Variants in MYO19 observed in about 807,000 individuals in gnomAD.
The protein encoded by MYO19 is unconventional myosin-XIX.
In MYO19, 132 loss-of-function variants were observed where a neutral mutation model predicts 129.2. That is an observed-to-expected ratio of 1.02 (90% CI 0.89 to 1.18). The LOEUF is 1.18. Ranked by LOEUF, MYO19 falls within the 50% of genes most tolerant of loss-of-function variation. The pLI is 0.00. For synonymous variants in MYO19, 531 were observed against 477.2 expected, an observed-to-expected ratio of 1.11 and a Z score of -1.47; for missense variants, 1,210 against 1,216.7, an observed-to-expected ratio of 0.99 and a Z score of 0.08.
chr17:36,518,710 C>A, intron 6 of MYO19, among the ~76,000 whole-genome samples: 1 of 149,630 alleles, frequency 6.7e-6, no homozygotes, highest in South Asian at 2.1e-4. Context: ...TAATCAAAGG[C>A]AATAAAAAAA....
chr17:36,527,422 G>A (rs1364087659), intron 5 of MYO19, 129 bp downstream of exon 5: 3 of 1,044,556 alleles, frequency 2.9e-6, no homozygotes, highest in Non-Finnish European at 4.0e-6. Flanking sequence ...TATTGGGCAG[G>A]CCGTGGCACT....
intron 6 of MYO19, among the ~76,000 whole-genome samples, chr17:36,518,720 A>C (rs1198283270): frequency 1.3e-5 from 2 of 151,338 alleles, no homozygotes; most frequent in Non-Finnish European, 2.9e-5. Context: ...CAATAAAAAA[A>C]GGAACTAAGA....
chr17:36,522,449 G>A (rs1455348458), intron 6 of MYO19, among the ~76,000 whole-genome samples: 2 of 151,896 alleles, frequency 1.3e-5, no homozygotes, highest in South Asian at 2.1e-4. Flanking sequence ...GGCGGAGGTT[G>A]CAGTGAGCCG....
chr17:36,496,518 ATT>A, intron 25 of MYO19, 112 bp from the exon 26 acceptor site: 1 of 953,678 alleles, frequency 1.0e-6, no homozygotes, highest in Non-Finnish European at 1.6e-6. Context: ...AAGTACTAGT[ATT>A]GGGGGCCACA....
At chr17:36,521,617 C>T (rs1247389150) in intron 6 of MYO19, among the ~76,000 whole-genome samples, 1 of 152,042 alleles carries the variant, frequency 6.6e-6, no homozygotes, top group East Asian at 1.9e-4. Flanking sequence ...CACAAAGTAC[C>T]CAGCATAATA....
chr17:36,505,146 G>C (rs1342727307), intron 19 of MYO19, 151 bp downstream of exon 19: 1 of 800,534 alleles, frequency 1.2e-6, no homozygotes, highest in Non-Finnish European at 2.2e-6. Flanking sequence ...CCCTGCCACA[G>C]CAAGGGAGAT....
intron 12 of MYO19, 108 bp downstream of exon 12, chr17:36,511,257 A>C (rs1180722147): frequency 8.1e-7 from 1 of 1,235,612 alleles, no homozygotes; most frequent in Admixed American, 2.0e-5. Flanking sequence ...GGGTGGCATA[A>C]GCAAGGGCAT....
At chr17:36,497,569 T>A in intron 25 of MYO19, 1 of 984,404 alleles carries the variant, frequency 1.0e-6, no homozygotes, top group Non-Finnish European at 1.2e-6. Context: ...GTAATTGACC[T>A]ATTATTACCC....
In MYO19 at chr17:36,505,373, T is replaced by C; in HGVS notation, c.1829A>G (p.His610Arg). 6.2e-7 allele frequency: 1 copy of C among 1,614,202 alleles called. No individual in the cohort carries two copies. The highest frequency in any genetic ancestry group is 8.5e-7 in the Non-Finnish European group (1 of 1,180,030). The change falls in exon 19 of 26, where the codon CAC (histidine) becomes CGC (arginine). Residue 610 changes from histidine (H) to arginine (R), a missense_variant. Physicochemically the swap from His to Arg is conservative, Grantham distance 29 (BLOSUM62 0). Coordinates refer to ENST00000614623, the MANE Select transcript of MYO19 (RefSeq NM_001163735.2). The stretch of plus-strand genomic sequence containing the variant: ...GCGAATGTAGTGGGGCGTGGTGCTG[T>C]GTAGGACCTGCAGAAGCTGCTCCAG... ...ASLEQLLQVL[H>R]STTPHYIRCI...
Position 36,506,475 on chromosome 17 carries a change from G to A in MYO19, c.1778C>T (p.Thr593Ile). The change falls in exon 18 of 26, where the codon ACC becomes ATC. Residue 593 changes from threonine (T) to isoleucine (I), a missense_variant. Coordinates refer to ENST00000614623, the MANE Select transcript of MYO19 (RefSeq NM_001163735.2). Reference protein sequence around the residue: ...PPGQSRAPVLTVVSKFKASLE... With the variant: ...PPGQSRAPVLIVVSKFKASLE... Reference sequence around the variant, plus strand: ...ACCCACCTTGAACTTGGACACCACGGTCAACACAGGGGCCCTGCTCTGGCC... The same window carrying A: ...ACCCACCTTGAACTTGGACACCACGATCAACACAGGGGCCCTGCTCTGGCC... The A allele has an allele frequency of 6.2e-7, 1 of 1,613,772 alleles. No homozygotes were observed. Among genetic ancestry groups the A allele is most frequent in the Non-Finnish European group, 8.5e-7 (1 of 1,179,788 alleles).
At chr17:36,536,769 C>T (rs1023239558), upstream of MYO19, among the ~76,000 whole-genome samples, 6 of 152,336 alleles carry the variant, frequency 3.9e-5, no homozygotes, top group Admixed American at 3.3e-4. Context: ...CCCACCTCGG[C>T]CTCCCGAAGT....
Position 36,525,976 on chromosome 17 carries a change from T to C in MYO19, c.301-635A>G, listed in dbSNP as rs529904049. On this transcript the variant is annotated intron_variant, in intron 5 of 25. Coordinates refer to ENST00000614623, the MANE Select transcript of MYO19 (RefSeq NM_001163735.2). ...GGACAGACTGCCCCTGGATTCCAACTGGATACCTCATCACGCATGAACTTC... is the reference window on the plus strand; with the variant it reads ...GGACAGACTGCCCCTGGATTCCAACCGGATACCTCATCACGCATGAACTTC... 1.2e-4 allele frequency among the ~76,000 whole-genome samples: 19 copies of C among 152,318 alleles called. No individual in the cohort carries two copies. In the South Asian group the frequency reaches 2.9e-3, roughly 23 times the overall value.
upstream of MYO19, among the ~76,000 whole-genome samples, chr17:36,536,507 C>T (rs1567807197): frequency 1.3e-5 from 2 of 150,184 alleles, no homozygotes; most frequent in Admixed American, 6.6e-5. Flanking sequence ...CTCTCTTTTC[C>T]TTTGCTTTTT....
chr17:36,507,886 T>C lies in MYO19; in HGVS notation c.1270A>G (p.Asn424Asp). 6.2e-7 allele frequency: 1 copy of C among 1,612,394 alleles called. No homozygotes were observed. ...TTGATGCACAACTGTTCCAGACTGT[T>C]GTCAGGAAATGATTCAAATCCATAC... ...DVYGFESFPD[N>D]SLEQLCINYA... The change falls in exon 15 of 26, where the codon AAC becomes GAC. Residue 424 changes from asparagine to aspartate, a missense_variant. By Grantham distance (23) the Asn-to-Asp change is conservative (BLOSUM62 1). Coordinates refer to ENST00000614623, the MANE Select transcript of MYO19 (RefSeq NM_001163735.2).
chr17:36,497,874 C>T lies in MYO19; in HGVS notation c.2757+392G>A, dbSNP rs576230619. 7.4e-5 allele frequency: 14 copies of T among 188,420 alleles called. 2 individuals are homozygous for T. The highest frequency in any genetic ancestry group is 6.0e-4 in the Admixed American group (11 of 18,360). 11.7% of individuals were successfully genotyped at this position (188,420 alleles called of 1,614,324 possible). On this transcript the variant is annotated intron_variant, in intron 25 of 25. Coordinates refer to ENST00000614623, the MANE Select transcript of MYO19 (RefSeq NM_001163735.2). The stretch of plus-strand genomic sequence containing the variant: ...TACTGGGATTATAGGCGTGAGCCAC[C>T]GCTCCAGGCCCTAAGCTAAACTTTC...
upstream of MYO19, chr17:36,538,397 A>G (rs780171339): frequency 6.2e-7 from 1 of 1,614,186 alleles, no homozygotes; most frequent in Non-Finnish European, 8.5e-7. Context: ...CTGAAGCCGA[A>G]AGAATGGAAC....
At chr17:36,541,017 C>G (rs1198108255) in intron 2 of MYO19, among the ~76,000 whole-genome samples, 1 of 151,866 alleles carries the variant, frequency 6.6e-6, no homozygotes, top group East Asian at 1.9e-4. Flanking sequence ...GAGGCGCAGT[C>G]TTGCTCTGTT....
intron 5 of MYO19, among the ~76,000 whole-genome samples, chr17:36,525,772 G>C (rs1444392511): frequency 6.6e-6 from 1 of 152,180 alleles, no homozygotes; most frequent in Non-Finnish European, 1.5e-5. Flanking sequence ...AGGCCACTCA[G>C]CAAGTAAGTA....
At position 36,507,400 on chromosome 17, in the gene MYO19, T is replaced by C; in HGVS notation, c.1466A>G (p.Glu489Gly). 6.2e-7 allele frequency: 1 copy of C among 1,612,818 alleles called. No homozygotes were observed. Among genetic ancestry groups the C allele is most frequent in the South Asian group, 1.1e-5 (1 of 91,048 alleles). The change falls in exon 16 of 26, where the codon GAG becomes GGG. Residue 489 changes from glutamate to glycine, a missense_variant and splice_region_variant. Coordinates refer to ENST00000614623, the MANE Select transcript of MYO19 (RefSeq NM_001163735.2). ...SPISICSLIN[E>G]ECRLNRPSSA... ...CGGCTCATTAGCTGACCTCCCCACC[T>C]CATTTATGAGGGAGCAGATGCTGAT...
Sources: gnomAD v4.1 joint callset for allele counts (sites outside exome capture counted in the v4.1 genomes callset) on GRCh38, gnomAD v4.1.1 for gene constraint, MANE v1.5 for transcripts, NCBI Gene and HGNC (gene_info 2026-07-23, HGNC 2026-07-21) for gene names.